Variants in PHRF1 observed in about 807,000 individuals in gnomAD.
PHRF1 encodes the protein PHD and ring finger domains 1.
PHRF1 carries 53 observed loss-of-function variants against 128.9 expected under a neutral mutation model. That is an observed-to-expected ratio of 0.41 (90% confidence interval 0.33 to 0.52). The LOEUF is 0.52. Ranked by LOEUF, PHRF1 falls within the 20% of genes least tolerant of loss-of-function variation. The pLI, the probability that PHRF1 is intolerant of heterozygous loss-of-function variation, is 0.21. For synonymous variants in PHRF1, 1,178 were observed against 980.6 expected, an observed-to-expected ratio of 1.20 and a Z score of -3.76; for missense variants, 2,503 against 2,284.5, an observed-to-expected ratio of 1.10 and a Z score of -1.95.
intron 10 of PHRF1, among the ~76,000 whole-genome samples, chr11:602,000 C>T (rs1855653204): frequency 6.6e-6 from 1 of 152,184 alleles, no homozygotes; most frequent in African/African-American, 2.4e-5. Context: ...GTCGGGGAGC[C>T]AGGTGTGAGC....
At position 608,436 on chromosome 11, in the gene PHRF1, C is replaced by G; in HGVS notation, c.2980C>G (p.Arg994Gly). The G allele has an allele frequency of 1.2e-6, 2 of 1,612,172 alleles. No individual in the cohort carries two copies. Among genetic ancestry groups the G allele is most frequent in the Non-Finnish European group, 1.7e-6 (2 of 1,179,728 alleles). ...VVELRPPSRSRSTSSSRSRKK... is the reference protein window; with the variant it reads ...VVELRPPSRSGSTSSSRSRKK... ...GGAGCTCAGGCCCCCTTCCCGGTCC[C>G]GCTCCACATCCAGCTCCCGCAGCAG... The change falls in exon 14 of 18, where the codon CGC (arginine) becomes GGC (glycine). Residue 994 changes from arginine (R) to glycine (G), a missense_variant. By Grantham distance (125) the Arg-to-Gly change is moderately radical. Transcript: ENST00000264555.
chr11:606,360 G>C, intron 12 of PHRF1, 82 bp from the exon 13 acceptor site: 1 of 1,444,820 alleles, frequency 6.9e-7, no homozygotes, highest in Admixed American at 2.5e-5. Flanking sequence ...CCTGGCTCCC[G>C]CCTGCTGCGG....
chr11:580,904 G>C (rs1240002277), intron 1 of PHRF1, among the ~76,000 whole-genome samples: 2 of 152,072 alleles, frequency 1.3e-5, no homozygotes, highest in Non-Finnish European at 2.9e-5. Context: ...GGCCAGGCTG[G>C]TCTCAAACTC....
intron 4 of PHRF1, among the ~76,000 whole-genome samples, chr11:587,822 C>T (rs1273654667): frequency 6.6e-6 from 1 of 152,100 alleles, no homozygotes; most frequent in East Asian, 1.9e-4. Flanking sequence ...ACATGTGGTT[C>T]TCTCAGTTGA....
At chr11:598,628 C>G (rs1479446677) in intron 9 of PHRF1, 126 bp downstream of exon 9, 1 of 1,388,230 alleles carries the variant, frequency 7.2e-7, no homozygotes, top group Non-Finnish European at 9.5e-7. Flanking sequence ...ATCTTCTCTG[C>G]TGAAAACACT....
intron 9 of PHRF1, among the ~76,000 whole-genome samples, chr11:598,736 C>T (rs111939988): frequency 2.0e-5 from 3 of 152,222 alleles, no homozygotes; most frequent in African/African-American, 7.2e-5. Context: ...CCGGCCTTCC[C>T]GCATTGTTCC....
At position 609,079 on chromosome 11, in the gene PHRF1, AG is replaced by A; in HGVS notation, c.3628del (p.Glu1210SerfsTer77). 1 of 1,601,592 alleles carries A rather than the reference AG, an allele frequency of 6.2e-7. No individual in the cohort carries two copies. ...VREASPAPLA[Q>X]GEPGREDLPT... ...GAGGCTTCCCCAGCGCCCCTTGCAC[AG>A]GGGGAGCCAGGGCGGGAAGACCTCC... On this transcript the variant is annotated frameshift_variant, in exon 14 of 18. Coordinates refer to ENST00000264555, the MANE Select transcript of PHRF1 (RefSeq NM_001286581.2). LOFTEE classifies it high-confidence loss of function.
Position 597,250 on chromosome 11 carries a change from C to G in PHRF1, c.719-145C>G. ...GGGTTCCGGTCCTCAGTGTTAGGAG[C>G]ACCAGGCTCCATGAGCAGCCCTGGG... On this transcript the variant is annotated intron_variant, in intron 7 of 17. Coordinates refer to ENST00000264555, the MANE Select transcript of PHRF1 (RefSeq NM_001286581.2). The surrounding 1 kb of genome is among the most constrained non-coding windows in gnomAD (Gnocchi z 6.5). 9.3e-7 allele frequency: 1 copy of G among 1,074,246 alleles called. No individual in the cohort carries two copies. Among genetic ancestry groups the G allele is most frequent in the Non-Finnish European group, 1.3e-6 (1 of 760,394 alleles). 66.5% of individuals were successfully genotyped at this position (1,074,246 alleles called of 1,614,324 possible). A position where few individuals can be genotyped will look rare whatever the true frequency, so the allele number is the denominator to read the frequency against.
intron 3 of PHRF1, among the ~76,000 whole-genome samples, chr11:585,841 C>G (rs980655438): frequency 6.6e-6 from 1 of 151,348 alleles, no homozygotes; most frequent in Admixed American, 6.6e-5. Flanking sequence ...CCACCGCGTC[C>G]AGCTAATTTT....
At position 609,564 on chromosome 11, in the gene PHRF1, G is replaced by C. The variant is rs747723305; in HGVS notation, c.4108G>C (p.Asp1370His). 2.5e-6 allele frequency: 4 copies of C among 1,599,924 alleles called. No individual in the cohort carries two copies. The highest frequency in any genetic ancestry group is 3.4e-6 in the Non-Finnish European group (4 of 1,175,036). The change falls in exon 14 of 18, where the codon GAC (aspartate) becomes CAC (histidine). Residue 1370 changes from aspartate (D) to histidine (H), a missense_variant. Transcript: ENST00000264555. ...SPDVAPAGKEDSPSASGRVQE... is the reference protein window; with the variant it reads ...SPDVAPAGKEHSPSASGRVQE... ...GGATGTGGCGCCTGCGGGGAAGGAAGACAGCCCCTCTGCGAGTGGGAGGGT... is the reference window on the plus strand; with the variant it reads ...GGATGTGGCGCCTGCGGGGAAGGAACACAGCCCCTCTGCGAGTGGGAGGGT...
chr11:581,143 T>C (rs1854178670), intron 1 of PHRF1, among the ~76,000 whole-genome samples: 1 of 152,146 alleles, frequency 6.6e-6, no homozygotes, highest in African/African-American at 2.4e-5. Context: ...AAAACAAATT[T>C]TTATTTTCTG....
At chr11:582,147 T>C in intron 3 of PHRF1, 66 bp downstream of exon 3, 1 of 1,546,320 alleles carries the variant, frequency 6.5e-7, no homozygotes, top group Non-Finnish European at 8.7e-7. Flanking sequence ...CAGCCTTTTA[T>C]AACACATCCT....
chr11:589,949 G>T (rs986023311), intron 4 of PHRF1, among the ~76,000 whole-genome samples: 1 of 144,498 alleles, frequency 6.9e-6, no homozygotes, highest in Non-Finnish European at 1.5e-5. Context: ...GGCACGGAGC[G>T]TGCGGGGCTC....
chr11:607,553 C>T lies in PHRF1; in HGVS notation c.2097C>T (p.Ala699=), dbSNP rs2133070573. 2 of 1,612,612 alleles carry T rather than the reference C, an allele frequency of 1.2e-6. No homozygotes were observed. The highest frequency in any genetic ancestry group is 4.5e-5 in the East Asian group (2 of 44,878). Residue 699 remains alanine (A), a synonymous_variant, in exon 14 of 18, where the codon GCC becomes GCT. Transcript: ENST00000264555. ...GTGGCAGACGGGATGCGGCCCCGGC[C>T]CACGGGCAGAGCATTGAGATCCCCA... ...DGGGRRDAAP[A]HGQSIEIPSA... is the part of the protein sequence containing the mutation.
chr11:596,906 C>T lies in PHRF1; in HGVS notation c.621-17C>T, dbSNP rs375463110. 2.3e-5 allele frequency: 37 copies of T among 1,609,990 alleles called. No homozygotes were observed. The highest frequency in any genetic ancestry group is 1.1e-4 in the African/African-American group (8 of 74,816). ...GTGAGCAGCACCCGGATGCTTTGGC[C>T]CTGCTCTCTCCTGTAGGTACCACAT... On this transcript the variant is annotated splice_polypyrimidine_tract_variant and intron_variant, in intron 6 of 17. Transcript: ENST00000264555.
In PHRF1 at chr11:608,670, G is replaced by A. The variant is rs867793074; in HGVS notation, c.3214G>A (p.Asp1072Asn). 6.2e-7 allele frequency: 1 copy of A among 1,612,424 alleles called. No homozygotes were observed. The highest frequency in any genetic ancestry group is 1.3e-5 in the African/African-American group (1 of 75,050). ...GCGAGCTAAGAGGAAGAAAGCCAAG[G>A]ACAAGAGCAGGGAGCACAGGCGGGG... ...RERAKRKKAK[D>N]KSREHRRGPW... is the part of the protein sequence containing the mutation. The change falls in exon 14 of 18, where the codon GAC (aspartate) becomes AAC (asparagine). Residue 1072 changes from aspartate to asparagine, a missense_variant. Coordinates refer to ENST00000264555, the MANE Select transcript of PHRF1 (RefSeq NM_001286581.2).
intron 4 of PHRF1, among the ~76,000 whole-genome samples, chr11:589,338 G>A (rs1430266305): frequency 6.6e-6 from 1 of 152,230 alleles, no homozygotes; most frequent in Non-Finnish European, 1.5e-5. Context: ...CCATAGAGAG[G>A]TTGAGGATGC....
intron 9 of PHRF1, among the ~76,000 whole-genome samples, chr11:600,495 T>A (rs201540824): frequency 1.8e-3 from 72 of 39,026 alleles, no homozygotes; most frequent in South Asian, 3.5e-3. Flanking sequence ...TCTCCAAAAA[T>A]ATATATATAT....
chr11:608,105 G>A lies in PHRF1; in HGVS notation c.2649G>A (p.Thr883=), dbSNP rs373499770. The part of the protein sequence containing the change: ...VQAVRCVTSY[T]VESIFGTEPE... ...CTGTGCGCTGCGTCACCTCCTACAC[G>A]GTGGAGAGCATCTTTGGTACAGAGC... Residue 883 remains threonine, a synonymous_variant, in exon 14 of 18, where the codon ACG becomes ACA. Coordinates refer to ENST00000264555, the MANE Select transcript of PHRF1 (RefSeq NM_001286581.2). 2.9e-5 allele frequency: 47 copies of A among 1,611,692 alleles called. No homozygotes were observed. The highest frequency in any genetic ancestry group is 1.6e-4 in the Middle Eastern group (1 of 6,084).
Sources: gnomAD v4.1 joint callset for allele counts (sites outside exome capture counted in the v4.1 genomes callset) on GRCh38, gnomAD v4.1.1 for gene constraint, Gnocchi (gnomAD v3.1) non-coding constraint, MANE v1.5 for transcripts, NCBI Gene and HGNC (gene_info 2026-07-23, HGNC 2026-07-21) for gene names.